The following KATNBL1 variants were observed in gnomAD, a reference collection of about 807,000 sequenced individuals.
KATNBL1 encodes KATNB1-like protein 1.
Under a neutral mutation model 44.7 loss-of-function variants are expected in KATNBL1, and 28 were observed. That is an observed-to-expected ratio of 0.63 (90% CI 0.46 to 0.86). The LOEUF (loss-of-function observed/expected upper bound fraction) is 0.86, where lower values mean the gene tolerates loss of function less well. KATNBL1 is among the 40% of genes least tolerant of loss of function. KATNBL1 has a pLI of 0.00. For synonymous variants in KATNBL1, 78 were observed against 114.9 expected (o/e 0.68, Z 2.06); for missense variants, 272 against 350.7 (o/e 0.78, Z 1.79).
At chr15:34,161,882 A>G (rs1888819297) in intron 2 of KATNBL1, among the ~76,000 whole-genome samples, 2 of 152,186 alleles carry the variant, frequency 1.3e-5, no homozygotes, top group Admixed American at 1.3e-4. Context: ...AGAATGAGGA[A>G]GTTAAACTTT....
intron 2 of KATNBL1, among the ~76,000 whole-genome samples, chr15:34,156,039 G>C (rs1888627069): frequency 6.6e-6 from 1 of 152,178 alleles, no homozygotes; most frequent in Non-Finnish European, 1.5e-5. Flanking sequence ...AACTGCACTA[G>C]GGCGCAAGTG....
chr15:34,147,605 T>C (rs1171691004), intron 5 of KATNBL1, among the ~76,000 whole-genome samples, 175 bp from the exon 6 acceptor site: 3 of 146,502 alleles, frequency 2.0e-5, no homozygotes, highest in Non-Finnish European at 4.5e-5. Context: ...TGTATTCCAG[T>C]GTGTGAGCAA....
chr15:34,192,482 A>T (rs1018562055), intron 1 of KATNBL1, among the ~76,000 whole-genome samples: 5 of 152,102 alleles, frequency 3.3e-5, no homozygotes, highest in African/African-American at 1.2e-4. Flanking sequence ...AACAAAGCCA[A>T]TTCATGGGAG....
At chr15:34,203,332 TACC>T (rs1384436977) in intron 1 of KATNBL1, among the ~76,000 whole-genome samples, 1 of 152,074 alleles carries the variant, frequency 6.6e-6, no homozygotes, top group Non-Finnish European at 1.5e-5. Context: ...CCATTTCCAT[TACC>T]ACCATTCTAG....
At chr15:34,206,826 C>A (rs1261945041) in intron 1 of KATNBL1, among the ~76,000 whole-genome samples, 1 of 151,694 alleles carries the variant, frequency 6.6e-6, no homozygotes, top group African/African-American at 2.4e-5. Flanking sequence ...TCAAATTACA[C>A]CCTTCCAATT....
chr15:34,164,964 G>A (rs1192145210), intron 1 of KATNBL1, among the ~76,000 whole-genome samples: 1 of 152,172 alleles, frequency 6.6e-6, no homozygotes, highest in East Asian at 1.9e-4. Context: ...CCAAAAATAT[G>A]AACATACACA....
intron 1 of KATNBL1, among the ~76,000 whole-genome samples, chr15:34,185,400 G>A (rs1001580364): frequency 1.3e-5 from 2 of 152,184 alleles, no homozygotes; most frequent in African/African-American, 2.4e-5. Flanking sequence ...AGATATGACT[G>A]GGCACTAACT....
chr15:34,159,421 TC>T, intron 2 of KATNBL1, among the ~76,000 whole-genome samples: 1 of 152,274 alleles, frequency 6.6e-6, no homozygotes, highest in Admixed American at 6.5e-5. Context: ...AGCTCTAAGG[TC>T]TTACACTAAC....
At chr15:34,168,954 T>C (rs1469427980) in intron 1 of KATNBL1, among the ~76,000 whole-genome samples, 1 of 152,142 alleles carries the variant, frequency 6.6e-6, no homozygotes, top group Non-Finnish European at 1.5e-5. Flanking sequence ...TAGCCGGAAA[T>C]TTATGGCATT....
intron 1 of KATNBL1, among the ~76,000 whole-genome samples, chr15:34,173,503 A>G (rs753478793): frequency 3.9e-5 from 6 of 152,180 alleles, no homozygotes; most frequent in Admixed American, 1.3e-4. Context: ...CTTCAGATAC[A>G]CAGAGTTCCC....
At chr15:34,168,110 G>A (rs1175925583) in intron 1 of KATNBL1, among the ~76,000 whole-genome samples, 2 of 152,076 alleles carry the variant, frequency 1.3e-5, no homozygotes, top group Non-Finnish European at 2.9e-5. Context: ...AATGTAAATG[G>A]GCTAAATGCC....
At chr15:34,149,828 G>C (rs1888415007) in intron 4 of KATNBL1, among the ~76,000 whole-genome samples, 1 of 152,222 alleles carries the variant, frequency 6.6e-6, no homozygotes, top group African/African-American at 2.4e-5. Flanking sequence ...GAGCTCAGGA[G>C]TTTGAGTCCA....
At chr15:34,175,096 A>G (rs75977170) in intron 1 of KATNBL1, among the ~76,000 whole-genome samples, 19 of 145,022 alleles carry the variant, frequency 1.3e-4, no homozygotes, top group African/African-American at 1.8e-4. Flanking sequence ...TAAAAATAAT[A>G]CAAATGTAAA....
chr15:34,202,452 C>T (rs908173116), intron 1 of KATNBL1, among the ~76,000 whole-genome samples: 4 of 73,626 alleles, frequency 5.4e-5, no homozygotes, highest in Non-Finnish European at 1.4e-4. Flanking sequence ...TTTATAACAA[C>T]GGTTCTTAAA....
At chr15:34,161,371 G>A (rs1402894892) in intron 2 of KATNBL1, among the ~76,000 whole-genome samples, 5 of 152,182 alleles carry the variant, frequency 3.3e-5, no homozygotes, top group South Asian at 2.1e-4. Flanking sequence ...GCTGCAGGGC[G>A]TGCCTCCTCA....
chr15:34,191,254 T>C (rs1889865466), intron 1 of KATNBL1, among the ~76,000 whole-genome samples: 1 of 150,474 alleles, frequency 6.6e-6, no homozygotes, highest in Non-Finnish European at 1.5e-5. Context: ...CATGCATGTA[T>C]CAATGGTCTA....
At chr15:34,176,535 G>A (rs888613582) in intron 1 of KATNBL1, among the ~76,000 whole-genome samples, 5 of 152,176 alleles carry the variant, frequency 3.3e-5, no homozygotes, top group African/African-American at 9.7e-5. Flanking sequence ...ACTCGTGGTT[G>A]TCTTAGGCTA....
chr15:34,185,297 T>G (rs1795146790), intron 1 of KATNBL1, among the ~76,000 whole-genome samples: 1 of 152,300 alleles, frequency 6.6e-6, no homozygotes, highest in East Asian at 1.9e-4. Context: ...CTTGTCTTCG[T>G]TGATTTCTTC....
Position 34,166,735 on chromosome 15 carries a change from T to A in KATNBL1, c.-14-3045A>T, listed in dbSNP as rs183406473. Among the ~76,000 whole-genome samples, 791 of 152,262 alleles carry A rather than the reference T, an allele frequency of 5.2e-3. 6 individuals carry two copies. The highest frequency in any genetic ancestry group is 6.0e-3 in the Non-Finnish European group (408 of 68,010). ...GTGGGTTCCCCTCTGGAATGAAGCT[T>A]CCAGAGGAAGGATCAGGCAGCAATA... On this transcript the variant is annotated intron_variant, in intron 1 of 9. Coordinates refer to ENST00000256544, the MANE Select transcript of KATNBL1 (RefSeq NM_024713.3).
Sources: allele counts gnomAD v4.1 joint callset (sites outside exome capture counted in the v4.1 genomes callset), GRCh38; gene constraint gnomAD v4.1.1; transcripts MANE v1.5; gene names NCBI Gene and HGNC (gene_info 2026-07-23, HGNC 2026-07-21).